MMP16: variants seen among roughly 807,000 people sequenced by gnomAD.
MMP16 encodes the protein matrix metallopeptidase 16, also known as matrix metalloproteinase-16.
A neutral mutation model predicts 67.8 loss-of-function variants in MMP16; 12 were observed. The ratio of observed to expected loss-of-function variants is 0.18; its 90% CI spans 0.11 to 0.29. MMP16 has a LOEUF of 0.29. Ranked by LOEUF, MMP16 falls within the 10% of genes least tolerant of loss-of-function variation. The pLI is 1.00. For synonymous variants in MMP16, 249 were observed against 255.9 expected (o/e 0.97, Z 0.26); for missense variants, 475 against 765.7 (o/e 0.62, Z 4.48).
chr8:88,263,071 T>C (rs996024154), intron 1 of MMP16, among the ~76,000 whole-genome samples: 4 of 150,992 alleles, frequency 2.6e-5, no homozygotes, highest in African/African-American at 9.8e-5. Context: ...TTTTTTTTAA[T>C]TCAAAAGGAG....
intron 1 of MMP16, among the ~76,000 whole-genome samples, chr8:88,292,520 T>C (rs28986496): frequency 0.033 from 4,978 of 152,178 alleles, 249 homozygotes; most frequent in African/African-American, 0.1. Context: ...TGTACCCAAA[T>C]TGCAGGATGA....
At chr8:88,312,322 T>G (rs963949764) in intron 1 of MMP16, among the ~76,000 whole-genome samples, 1 of 152,188 alleles carries the variant, frequency 6.6e-6, no homozygotes, top group African/African-American at 2.4e-5. Context: ...TATAGAATAG[T>G]GTCATATAGA....
chr8:88,079,519 C>T (rs1470969808), intron 6 of MMP16, among the ~76,000 whole-genome samples: 1 of 152,102 alleles, frequency 6.6e-6, no homozygotes, highest in African/African-American at 2.4e-5. Flanking sequence ...TAAGAGGGGA[C>T]AACTGTACTT....
intron 2 of MMP16, among the ~76,000 whole-genome samples, chr8:88,196,860 T>G (rs1031232368): frequency 1.3e-5 from 2 of 152,172 alleles, no homozygotes; most frequent in Non-Finnish European, 2.9e-5. Flanking sequence ...CCACCTCTGT[T>G]GCTCATGGTC....
chr8:88,249,396 G>T (rs758128643), intron 1 of MMP16, among the ~76,000 whole-genome samples: 3 of 152,220 alleles, frequency 2.0e-5, no homozygotes, highest in Non-Finnish European at 2.9e-5. Flanking sequence ...CATAAATGGT[G>T]AAAGGAAGCA....
intron 6 of MMP16, among the ~76,000 whole-genome samples, chr8:88,103,959 T>C (rs1303638495): frequency 6.6e-6 from 1 of 151,816 alleles, no homozygotes; most frequent in Non-Finnish European, 1.5e-5. Flanking sequence ...TTAAATTATA[T>C]TATTGAAACT....
At chr8:88,110,227 C>A (rs901439729) in intron 6 of MMP16, among the ~76,000 whole-genome samples, 1 of 151,328 alleles carries the variant, frequency 6.6e-6, no homozygotes, top group Non-Finnish European at 1.5e-5. Flanking sequence ...GTAACTGAGT[C>A]CATTCTTACT....
intron 6 of MMP16, among the ~76,000 whole-genome samples, chr8:88,105,825 A>C (rs1809228186): frequency 6.6e-6 from 1 of 151,304 alleles, no homozygotes; most frequent in South Asian, 2.1e-4. Context: ...CAAAATTAAA[A>C]ACAACAAATT....
intron 1 of MMP16, among the ~76,000 whole-genome samples, chr8:88,263,252 A>AAATTC (rs1312784171): frequency 6.6e-6 from 1 of 152,104 alleles, no homozygotes; most frequent in Non-Finnish European, 1.5e-5. Context: ...CCTAAAAAAA[A>AAATTC]AATTCAATTT....
chr8:88,208,676 C>T (rs1809466359), intron 1 of MMP16, among the ~76,000 whole-genome samples: 1 of 151,890 alleles, frequency 6.6e-6, no homozygotes, highest in Non-Finnish European at 1.5e-5. Flanking sequence ...TGAAAGATGC[C>T]ATCATTGTTA....
intron 3 of MMP16, among the ~76,000 whole-genome samples, chr8:88,176,846 T>C (rs1282676629): frequency 6.6e-6 from 1 of 152,208 alleles, no homozygotes; most frequent in Non-Finnish European, 1.5e-5. Flanking sequence ...TCTTCATATC[T>C]TGTGGGTGGG....
intron 6 of MMP16, 35 bp from the exon 7 acceptor site, chr8:88,074,778 C>CGTA (rs1563524259): frequency 6.3e-7 from 1 of 1,598,746 alleles, no homozygotes; most frequent in African/African-American, 1.3e-5. Context: ...TCAACAAACA[C>CGTA]GTAGGCCTCC....
At chr8:88,146,098 A>G (rs1483093383) in intron 4 of MMP16, among the ~76,000 whole-genome samples, 1 of 151,904 alleles carries the variant, frequency 6.6e-6, no homozygotes, top group African/African-American at 2.4e-5. Context: ...TCTCTTTGTC[A>G]AAATTACACT....
At chr8:88,310,991 T>C (rs868143588) in intron 1 of MMP16, among the ~76,000 whole-genome samples, 1 of 152,156 alleles carries the variant, frequency 6.6e-6, no homozygotes, top group Non-Finnish European at 1.5e-5. Flanking sequence ...TAAGGTCCCT[T>C]AGTCTTGCAT....
At chr8:88,294,257 CAT>C (rs749105827) in intron 1 of MMP16, among the ~76,000 whole-genome samples, 147 of 149,034 alleles carry the variant, frequency 9.9e-4, no homozygotes, top group Middle Eastern at 3.8e-3. Context: ...CATATATAGA[CAT>C]GTGTGTATAT....
chr8:88,125,085 A>G (rs1303187025), intron 4 of MMP16, among the ~76,000 whole-genome samples: 1 of 151,836 alleles, frequency 6.6e-6, no homozygotes, highest in Non-Finnish European at 1.5e-5. Flanking sequence ...ATTTTTATGA[A>G]CACAATTCAG....
chr8:88,255,644 C>A (rs1810289233), intron 1 of MMP16, among the ~76,000 whole-genome samples: 1 of 152,108 alleles, frequency 6.6e-6, no homozygotes, highest in African/African-American at 2.4e-5. Context: ...CTCTTTATTG[C>A]ACATTCATTG....
chr8:88,190,857 T>C (rs547150842), intron 2 of MMP16, among the ~76,000 whole-genome samples: 5 of 152,296 alleles, frequency 3.3e-5, no homozygotes, highest in African/African-American at 1.2e-4. Context: ...TGCTTAAACA[T>C]AGTTACTTTT....
intron 7 of MMP16, among the ~76,000 whole-genome samples, chr8:88,064,585 A>C (rs1044691977): frequency 6.6e-6 from 1 of 151,978 alleles, no homozygotes; most frequent in Non-Finnish European, 1.5e-5. Flanking sequence ...GATCAAATAC[A>C]CTCACACTGT....
Sources: gnomAD v4.1 joint callset for allele counts (sites outside exome capture counted in the v4.1 genomes callset) on GRCh38, gnomAD v4.1.1 for gene constraint, MANE v1.5 for transcripts, NCBI Gene and HGNC (gene_info 2026-07-23, HGNC 2026-07-21) for gene names.